Variants in CREM observed in about 807,000 individuals in gnomAD.
CREM encodes cAMP responsive element modulator.
In CREM, 13 loss-of-function variants were observed where a neutral mutation model predicts 37.3. The observed-to-expected ratio is 0.35, with a 90% CI of 0.23 to 0.55. The LOEUF is 0.55. CREM is among the 20% of genes least tolerant of loss of function. CREM has a pLI of 0.88. For synonymous variants in CREM, 124 were observed against 120.2 expected, an observed-to-expected ratio of 1.03 and a Z score of -0.21; for missense variants, 296 against 362.3, an observed-to-expected ratio of 0.82 and a Z score of 1.49.
At position 35,185,507 on chromosome 10, in the gene CREM, A is replaced by G. The variant is rs189171790; in HGVS notation, c.410-2693A>G. Among the ~76,000 whole-genome samples, 411 of 152,304 alleles carry G rather than the reference A, an allele frequency of 2.7e-3. 1 individual carries two copies. The highest frequency in any genetic ancestry group is 4.3e-3 in the Non-Finnish European group (292 of 68,018). On this transcript the variant is annotated intron_variant, in intron 5 of 7. Coordinates refer to ENST00000685392, the MANE Select transcript of CREM (RefSeq NM_183011.2). ...ACTAATTATCAACTGAAAAATACAC[A>G]TTCAAATATATGAAAACATACACAA...
intron 6 of CREM, among the ~76,000 whole-genome samples, chr10:35,202,336 G>A (rs1429728408): frequency 6.6e-6 from 1 of 152,176 alleles, no homozygotes; most frequent in Non-Finnish European, 1.5e-5. Context: ...GAAATTTGAA[G>A]CTAACTAAGA....
At chr10:35,166,502 T>C (rs1283638725) in intron 3 of CREM, among the ~76,000 whole-genome samples, 1 of 149,874 alleles carries the variant, frequency 6.7e-6, no homozygotes, top group Non-Finnish European at 1.5e-5. Context: ...TGGATGGAGG[T>C]TGCGGTGAGC....
At chr10:35,155,520 A>G (rs932453030) in intron 3 of CREM, among the ~76,000 whole-genome samples, 1 of 149,872 alleles carries the variant, frequency 6.7e-6, no homozygotes, top group African/African-American at 2.5e-5. Context: ...AATAAAAGAT[A>G]ATGAATAACA....
chr10:35,174,272 G>A (rs1022760197), intron 3 of CREM, among the ~76,000 whole-genome samples: 5 of 152,122 alleles, frequency 3.3e-5, no homozygotes, highest in Non-Finnish European at 5.9e-5. Context: ...TTTCTATTCT[G>A]TACTCCTGTG....
At chr10:35,194,274 C>G (rs919358572) in intron 6 of CREM, among the ~76,000 whole-genome samples, 10 of 151,878 alleles carry the variant, frequency 6.6e-5, no homozygotes, top group African/African-American at 9.7e-5. Flanking sequence ...TGATCCAGCT[C>G]TCTATGTGCC....
At chr10:35,161,889 G>C (rs1189937733) in intron 3 of CREM, among the ~76,000 whole-genome samples, 1 of 152,160 alleles carries the variant, frequency 6.6e-6, no homozygotes, top group Non-Finnish European at 1.5e-5. Flanking sequence ...ATGAAAAATA[G>C]AAGTACCAGA....
Position 35,204,554 on chromosome 10 carries a change from T to C in CREM, c.599-2341T>C, listed in dbSNP as rs2095473425. On this transcript the variant is annotated intron_variant, in intron 6 of 7. Transcript: ENST00000685392. ...GTAGAAGGTTGCAGTAAGCCAAGAT[T>C]GCACCAGTGCGCTCCAGCCTGGTGT... is the stretch of plus-strand genomic sequence containing the variant. 6.9e-5 allele frequency among the ~76,000 whole-genome samples: 10 copies of C among 145,782 alleles called. 1 individual carries two copies.
chr10:35,168,285 C>A (rs922297103), intron 3 of CREM, among the ~76,000 whole-genome samples: 3 of 152,272 alleles, frequency 2.0e-5, no homozygotes, highest in Middle Eastern at 6.8e-3. Flanking sequence ...TTTTAATGAT[C>A]GCCATTCTAA....
At chr10:35,143,288 G>A (rs1362679055) in intron 2 of CREM, among the ~76,000 whole-genome samples, 1 of 152,114 alleles carries the variant, frequency 6.6e-6, no homozygotes, top group Non-Finnish European at 1.5e-5. Context: ...TAATTAAAAT[G>A]AGAAGCCATG....
At chr10:35,186,749 TATATATAGTTATATATAATATATAA>T (rs2094571227) in intron 5 of CREM, among the ~76,000 whole-genome samples, 1 of 132,788 alleles carries the variant, frequency 7.5e-6, no homozygotes, top group African/African-American at 2.8e-5. Context: ...TAGTTATAAT[TATATATAGTTATATATAATATATAA>T]CAAATTATAT....
At chr10:35,128,598 T>C (rs774477435) in intron 1 of CREM, among the ~76,000 whole-genome samples, 3 of 148,924 alleles carry the variant, frequency 2.0e-5, no homozygotes, top group African/African-American at 7.5e-5. Flanking sequence ...CGCTCTCAGC[T>C]CACTGCAAGC....
intron 6 of CREM, among the ~76,000 whole-genome samples, chr10:35,194,266 A>T (rs961224628): frequency 1.3e-5 from 2 of 152,056 alleles, no homozygotes; most frequent in Non-Finnish European, 2.9e-5. Context: ...TCCTATAATG[A>T]TCCAGCTCTC....
intron 3 of CREM, among the ~76,000 whole-genome samples, chr10:35,149,484 C>T (rs1379819876): frequency 2.0e-5 from 3 of 152,016 alleles, no homozygotes; most frequent in South Asian, 2.1e-4. Flanking sequence ...AGGTGCCCAC[C>T]GTATTTTCAG....
intron 5 of CREM, among the ~76,000 whole-genome samples, chr10:35,187,163 TTATATATTAATATTAA>T (rs1171996158): frequency 0.2 from 12,762 of 65,208 alleles, 986 homozygotes; most frequent in South Asian, 0.24. Flanking sequence ...ATAATATATA[TTATATATTAATATTAA>T]TATATAAATA....
At chr10:35,154,343 T>C in intron 3 of CREM, 1 of 347,148 alleles carries the variant, frequency 2.9e-6, no homozygotes, top group Admixed American at 4.7e-5. Context: ...ACATTTTCTC[T>C]TGTTAATAGG....
intron 3 of CREM, among the ~76,000 whole-genome samples, chr10:35,169,999 T>C (rs958212086): frequency 2.0e-5 from 3 of 150,628 alleles, no homozygotes; most frequent in Non-Finnish European, 4.4e-5. Flanking sequence ...GTCTCGCTCT[T>C]TTGCCCAAGC....
intron 2 of CREM, among the ~76,000 whole-genome samples, chr10:35,142,037 T>G (rs925954171): frequency 6.6e-6 from 1 of 152,182 alleles, no homozygotes; most frequent in African/African-American, 2.4e-5. Flanking sequence ...TCTAGAGACG[T>G]TTTAGAGGTA....
At chr10:35,187,061 AT>A (rs1428690054) in intron 5 of CREM, among the ~76,000 whole-genome samples, 14 of 58,986 alleles carry the variant, frequency 2.4e-4, no homozygotes, top group Non-Finnish European at 3.8e-4. Context: ...ATTAATATAT[AT>A]AATTAATATA....
chr10:35,177,333 C>G (rs1440322747), intron 3 of CREM, among the ~76,000 whole-genome samples: 2 of 152,106 alleles, frequency 1.3e-5, no homozygotes, highest in Non-Finnish European at 2.9e-5. Context: ...GTTTCTAATT[C>G]TTTCTGACAC....
Sources: gnomAD v4.1 joint callset for allele counts (sites outside exome capture counted in the v4.1 genomes callset) on GRCh38, gnomAD v4.1.1 for gene constraint, MANE v1.5 for transcripts, NCBI Gene and HGNC (gene_info 2026-07-23, HGNC 2026-07-21) for gene names.